The following TTC7A variants were observed in gnomAD, a reference collection of about 807,000 sequenced individuals.
The protein encoded by TTC7A is tetratricopeptide repeat domain 7A.
A neutral mutation model predicts 103.7 loss-of-function variants in TTC7A; 110 were observed. The observed-to-expected ratio is 1.06, with a 90% CI of 0.91 to 1.24. The LOEUF (loss-of-function observed/expected upper bound fraction) is 1.24. TTC7A is among the 50% of genes most tolerant of loss of function. TTC7A has a pLI of 0.00. For synonymous variants in TTC7A, 521 were observed against 467.9 expected (o/e 1.11, Z -1.47); for missense variants, 1,340 against 1,116.3 (o/e 1.20, Z -2.86).
At chr2:47,039,676 C>G (rs1194079863) in intron 15 of TTC7A, among the ~76,000 whole-genome samples, 1 of 152,256 alleles carries the variant, frequency 6.6e-6, no homozygotes, top group Non-Finnish European at 1.5e-5. Flanking sequence ...AAGTCCAAGT[C>G]TTAATCCTTT....
chr2:47,041,921 GA>G (rs143516976), intron 15 of TTC7A, among the ~76,000 whole-genome samples: 14 of 151,420 alleles, frequency 9.2e-5, no homozygotes, highest in Admixed American at 4.6e-4. Context: ...AGATTAACGG[GA>G]AAAAAAACGT....
Position 46,945,500 on chromosome 2 carries a change from G to T in TTC7A, c.184+3775G>T, listed in dbSNP as rs376885784. 6.8e-4 allele frequency among the ~76,000 whole-genome samples: 104 copies of T among 152,266 alleles called. No individual in the cohort carries two copies. The South Asian group carries it at 0.012, about 17-fold the overall frequency. The stretch of plus-strand genomic sequence containing the variant: ...GTTGACCTCATGTTCCAGCCGCCTC[G>T]GCCTCCCGAAGTGCTGGGATTACGG... On this transcript the variant is annotated intron_variant, in intron 1 of 19. Transcript: ENST00000319190.
At chr2:47,058,025 A>AT (rs1472597682) in intron 18 of TTC7A, among the ~76,000 whole-genome samples, 9 of 152,178 alleles carry the variant, frequency 5.9e-5, no homozygotes, top group African/African-American at 2.2e-4. Context: ...GCACTCAGTT[A>AT]TGAGGGCAGC....
Position 47,021,911 on chromosome 2 carries a change from A to G in TTC7A, c.1442A>G (p.Glu481Gly), listed in dbSNP as rs778812345. Reference protein sequence around the residue: ...FAMMVISLGEEAGEFLPKGYL... With the variant: ...FAMMVISLGEGAGEFLPKGYL... ...ATGATGGTGATCAGCCTCGGAGAGGAAGCCGGGGAGTTCCTCCCCAAGGGC... is the reference window on the plus strand; with the variant it reads ...ATGATGGTGATCAGCCTCGGAGAGGGAGCCGGGGAGTTCCTCCCCAAGGGC... The change falls in exon 12 of 20, where the codon GAA (glutamate) becomes GGA (glycine). Residue 481 changes from glutamate to glycine, a missense_variant. Coordinates refer to ENST00000319190, the MANE Select transcript of TTC7A (RefSeq NM_020458.4). The G allele has an allele frequency of 6.2e-7, 1 of 1,614,154 alleles. No individual in the cohort carries two copies. The highest frequency in any genetic ancestry group is 8.5e-7 in the Non-Finnish European group (1 of 1,179,988).
chr2:46,974,200 T>A (rs1041991977), intron 3 of TTC7A, among the ~76,000 whole-genome samples: 1 of 152,202 alleles, frequency 6.6e-6, no homozygotes, highest in Non-Finnish European at 1.5e-5. Context: ...GGGGAAAAGG[T>A]ACAGGCTCCT....
rs1677180118 is a variant in TTC7A, at chr2:47,004,621, CAGAG to C, written c.1066-1300_1066-1297del. On this transcript the variant is annotated intron_variant, in intron 8 of 19. Transcript: ENST00000319190. ...ACTATTGTACAGAAGGAGGCTCAGA[CAGAG>C]GGAGGGAGATGCAGGAGAGAGCCCC... Among the ~76,000 whole-genome samples the C allele has an allele frequency of 1.1e-4, 17 of 152,120 alleles. No homozygotes were observed. The South Asian group carries it at 3.5e-3, about 32-fold the overall frequency.
chr2:47,031,352 C>G (rs1034663645), intron 15 of TTC7A, among the ~76,000 whole-genome samples: 3 of 152,182 alleles, frequency 2.0e-5, no homozygotes, highest in Non-Finnish European at 4.4e-5. Context: ...TTCCCCACTC[C>G]TAGTGCCAGT....
chr2:47,046,035 G>A (rs554350750), intron 15 of TTC7A, among the ~76,000 whole-genome samples: 2 of 152,336 alleles, frequency 1.3e-5, no homozygotes, highest in South Asian at 4.1e-4. Flanking sequence ...TCAGAGATGG[G>A]CAGGATGGCA....
intron 5 of TTC7A, among the ~76,000 whole-genome samples, chr2:46,985,790 G>C (rs780460029): frequency 1.3e-5 from 2 of 152,204 alleles, no homozygotes; most frequent in Non-Finnish European, 2.9e-5. Context: ...TGATATCCTC[G>C]TAGGTGAATC....
intron 19 of TTC7A, among the ~76,000 whole-genome samples, chr2:47,067,598 C>T (rs994101850): frequency 6.6e-6 from 1 of 152,194 alleles, no homozygotes; most frequent in Non-Finnish European, 1.5e-5. Context: ...GAGGAGGCAC[C>T]TGCAGGTTGG....
intron 18 of TTC7A, among the ~76,000 whole-genome samples, chr2:47,057,719 A>G (rs1278053646): frequency 6.6e-6 from 1 of 152,064 alleles, no homozygotes; most frequent in African/African-American, 2.4e-5. Context: ...ACCCTGGGGG[A>G]TTCTGCCACA....
intron 3 of TTC7A, among the ~76,000 whole-genome samples, chr2:46,962,203 C>T (rs1672441622): frequency 6.6e-6 from 1 of 152,172 alleles, no homozygotes; most frequent in Admixed American, 6.5e-5. Flanking sequence ...CTTCTTGGGA[C>T]ATTGTCCTTG....
At position 47,060,983 on chromosome 2, in the gene TTC7A, C is replaced by T. The variant is rs745746561; in HGVS notation, c.2355+12C>T. On this transcript the variant is annotated intron_variant, in intron 19 of 19. Coordinates refer to ENST00000319190, the MANE Select transcript of TTC7A (RefSeq NM_020458.4). ...TCATGCATAGCCTGGTGAGTCAGAGCCCCCCGCGCTCCCACCACCTCCTCC... is the reference window on the plus strand; with the variant it reads ...TCATGCATAGCCTGGTGAGTCAGAGTCCCCCGCGCTCCCACCACCTCCTCC... 6 of 1,582,586 alleles carry T rather than the reference C, an allele frequency of 3.8e-6. No individual in the cohort carries two copies. The highest frequency in any genetic ancestry group is 3.4e-6 in the Non-Finnish European group (4 of 1,162,344).
intron 11 of TTC7A, among the ~76,000 whole-genome samples, chr2:47,019,195 A>G (rs1679012515): frequency 6.6e-6 from 1 of 152,126 alleles, no homozygotes; most frequent in Non-Finnish European, 1.5e-5. Flanking sequence ...AATCACTGCT[A>G]TGACTCTGCA....
intron 3 of TTC7A, 64 bp downstream of exon 3, chr2:46,957,071 A>G: frequency 6.3e-7 from 1 of 1,599,268 alleles, no homozygotes; most frequent in Non-Finnish European, 8.6e-7. Flanking sequence ...TCTGACTCCC[A>G]GGGCCCTGCT....
chr2:47,054,082 G>A, intron 18 of TTC7A: 1 of 982,556 alleles, frequency 1.0e-6, no homozygotes, highest in Non-Finnish European at 1.2e-6. Context: ...TTTGGTCATT[G>A]TCTTAGATAT....
intron 3 of TTC7A, among the ~76,000 whole-genome samples, chr2:46,974,389 A>G (rs1301627063): frequency 2.6e-5 from 4 of 152,204 alleles, no homozygotes; most frequent in African/African-American, 4.8e-5. Context: ...TAGGTTGTAA[A>G]GTGAGCATTG....
chr2:46,935,359 C>T (rs1367287061), intron 2 of TTC7A, among the ~76,000 whole-genome samples: 1 of 151,994 alleles, frequency 6.6e-6, no homozygotes, highest in African/African-American at 2.4e-5. Flanking sequence ...AATCAAGTCC[C>T]GTCATTGGAA....
chr2:46,935,003 G>T (rs1364809587), intron 2 of TTC7A, among the ~76,000 whole-genome samples: 2 of 151,694 alleles, frequency 1.3e-5, no homozygotes, highest in African/African-American at 4.8e-5. Context: ...GTTTCATCAT[G>T]TTGGCCAGGA....
Sources: gnomAD v4.1 joint callset for allele counts (sites outside exome capture counted in the v4.1 genomes callset) on GRCh38, gnomAD v4.1.1 for gene constraint, MANE v1.5 for transcripts, NCBI Gene and HGNC (gene_info 2026-07-23, HGNC 2026-07-21) for gene names.